ADGRV1: variants seen among roughly 807,000 people sequenced by gnomAD.
ADGRV1 encodes adhesion G protein-coupled receptor V1.
Under a neutral mutation model 596.2 loss-of-function variants are expected in ADGRV1, and 359 were observed. That is an observed-to-expected ratio of 0.60 (90% confidence interval 0.55 to 0.66). The LOEUF (loss-of-function observed/expected upper bound fraction) is 0.66, where lower values mean the gene tolerates loss of function less well. ADGRV1 is among the 30% of genes least tolerant of loss of function. The probability of loss-of-function intolerance (pLI) is 0.00; values close to 1 mark genes in which losing one functional copy is unlikely to be tolerated. For missense variants in ADGRV1, 7,274 were observed against 7,575.6 expected (o/e 0.96, Z 1.48); for synonymous variants, 2,681 against 2,679.2 (o/e 1.00, Z -0.02).
At chr5:90,594,832 A>G (rs1760046549) in intron 1 of ADGRV1, among the ~76,000 whole-genome samples, 1 of 150,962 alleles carries the variant, frequency 6.6e-6, no homozygotes, top group African/African-American at 2.5e-5. Context: ...ATCCCAAGGC[A>G]GAAGAATTTT....
chr5:90,766,448 C>A (rs1250576190), intron 59 of ADGRV1, among the ~76,000 whole-genome samples: 1 of 151,952 alleles, frequency 6.6e-6, no homozygotes, highest in African/African-American at 2.4e-5. Flanking sequence ...TATACTGACT[C>A]AAAATACTGA....
chr5:91,057,033 A>G (rs1427953134), intron 85 of ADGRV1, among the ~76,000 whole-genome samples: 1 of 152,250 alleles, frequency 6.6e-6, no homozygotes, highest in African/African-American at 2.4e-5. Flanking sequence ...TCCATTATCA[A>G]ATGGCAAATT....
intron 84 of ADGRV1, among the ~76,000 whole-genome samples, chr5:90,967,627 A>C (rs1778593210): frequency 6.6e-6 from 1 of 152,170 alleles, no homozygotes. Context: ...TACTTGGATG[A>C]AAACACAGGA....
In ADGRV1 at chr5:90,805,266, A is replaced by C; in HGVS notation, c.14662-18A>C. On this transcript the variant is annotated intron_variant, in intron 71 of 89. Coordinates refer to ENST00000405460, the MANE Select transcript of ADGRV1 (RefSeq NM_032119.4). ...GTTTAGAGAGAAATAAAATACTCTA[A>C]GCATGATTTTCCCTCAGGTCGGATT... 2 of 1,603,590 alleles carry C rather than the reference A, an allele frequency of 1.2e-6. No homozygotes were observed. The highest frequency in any genetic ancestry group is 1.7e-6 in the Non-Finnish European group (2 of 1,171,512).
At chr5:90,972,253 G>C (rs1172421420) in intron 84 of ADGRV1, among the ~76,000 whole-genome samples, 1 of 152,038 alleles carries the variant, frequency 6.6e-6, no homozygotes, top group Non-Finnish European at 1.5e-5. Context: ...AATAATAATG[G>C]GAGACTTTAA....
At position 90,777,913 on chromosome 5, in the gene ADGRV1, G is replaced by T. The variant is rs201743191; in HGVS notation, c.12536G>T (p.Arg4179Leu). 4 of 1,610,054 alleles carry T rather than the reference G, an allele frequency of 2.5e-6. No homozygotes were observed. The highest frequency in any genetic ancestry group is 3.4e-6 in the Non-Finnish European group (4 of 1,177,260). The stretch of plus-strand genomic sequence containing the variant: ...TTTGTTTATTGTTGTAGCCTTGTTC[G>T]AGGCCCAGGGATTTTGGGGGAGGTC... The part of the protein sequence containing the change: ...YNGTAIISLV[R>L]GPGILGEVTV... Residue 4179 changes from arginine to leucine, a missense_variant, in exon 62 of 90, where the codon CGA becomes CTA. By Grantham distance (102) the Arg-to-Leu change is moderately radical (BLOSUM62 -2). Coordinates refer to ENST00000405460, the MANE Select transcript of ADGRV1 (RefSeq NM_032119.4).
intron 84 of ADGRV1, among the ~76,000 whole-genome samples, chr5:90,969,072 A>G (rs1432708516): frequency 9.2e-6 from 1 of 109,152 alleles, no homozygotes; most frequent in African/African-American, 5.0e-5. Flanking sequence ...GTTAGATTAT[A>G]TTTTAGAGTA....
chr5:90,904,786 G>A (rs1187726234), intron 83 of ADGRV1, among the ~76,000 whole-genome samples: 1 of 151,708 alleles, frequency 6.6e-6, no homozygotes, highest in South Asian at 2.1e-4. Flanking sequence ...ATGCTTGTAG[G>A]GTATTACTCT....
At chr5:90,930,390 T>C (rs1253994733) in intron 83 of ADGRV1, among the ~76,000 whole-genome samples, 1 of 152,206 alleles carries the variant, frequency 6.6e-6, no homozygotes, top group Non-Finnish European at 1.5e-5. Context: ...GTATTTTTAT[T>C]ATAGACTTAA....
chr5:90,823,406 G>A lies in ADGRV1; in HGVS notation c.16197-19G>A. 1 of 1,611,972 alleles carries A rather than the reference G, an allele frequency of 6.2e-7. No homozygotes were observed. The highest frequency in any genetic ancestry group is 1.7e-4 in the Middle Eastern group (1 of 6,054). On this transcript the variant is annotated intron_variant, in intron 75 of 89. Coordinates refer to ENST00000405460, the MANE Select transcript of ADGRV1 (RefSeq NM_032119.4). ...GATGACACCCTCTGTTAAGGCATTGGTGGGTTTCTTGCTCACAGGGCCTTT... is the reference window on the plus strand; with the variant it reads ...GATGACACCCTCTGTTAAGGCATTGATGGGTTTCTTGCTCACAGGGCCTTT...
chr5:91,107,354 T>C (rs114085906), intron 87 of ADGRV1, among the ~76,000 whole-genome samples: 1 of 152,176 alleles, frequency 6.6e-6, no homozygotes, highest in Non-Finnish European at 1.5e-5. Context: ...GGCAAGATCA[T>C]GGACGAGGCA....
At chr5:90,891,583 C>T (rs1412833462) in intron 83 of ADGRV1, among the ~76,000 whole-genome samples, 2 of 151,824 alleles carry the variant, frequency 1.3e-5, no homozygotes, top group Non-Finnish European at 2.9e-5. Flanking sequence ...ATCATCTCAT[C>T]AATTATGGTG....
intron 1 of ADGRV1, among the ~76,000 whole-genome samples, chr5:90,590,237 G>A (rs986567135): frequency 6.6e-6 from 1 of 152,172 alleles, no homozygotes; most frequent in African/African-American, 2.4e-5. Context: ...ATTAATTTAC[G>A]ATGATTTCTC....
At chr5:91,005,364 G>GTATA (rs200387484) in intron 85 of ADGRV1, among the ~76,000 whole-genome samples, 194 of 146,240 alleles carry the variant, frequency 1.3e-3, no homozygotes, top group African/African-American at 4.5e-3. Flanking sequence ...CTATTGCTGT[G>GTATA]TATATATATA....
intron 75 of ADGRV1, among the ~76,000 whole-genome samples, chr5:90,819,769 T>A (rs1396488856): frequency 6.6e-6 from 1 of 152,158 alleles, no homozygotes; most frequent in Admixed American, 6.5e-5. Context: ...GATTGCACTG[T>A]GGTCTGAGAG....
At chr5:90,678,123 T>C (rs1744479176) in intron 25 of ADGRV1, among the ~76,000 whole-genome samples, 1 of 152,118 alleles carries the variant, frequency 6.6e-6, no homozygotes, top group African/African-American at 2.4e-5. Flanking sequence ...ATCTGTATGA[T>C]GATTTCAGGT....
rs1247896355 is a variant in ADGRV1, at chr5:90,854,207, T to C, written c.17594+6T>C. On this transcript the variant is annotated splice_donor_region_variant and intron_variant, in intron 81 of 89. Coordinates refer to ENST00000405460, the MANE Select transcript of ADGRV1 (RefSeq NM_032119.4). ...TGGAATCAGGCTGCTGCAAGGTACT[T>C]ATTAATAAAATAAAAAAATCAGAAT... 6.6e-7 allele frequency: 1 copy of C among 1,521,584 alleles called. No individual in the cohort carries two copies. Among genetic ancestry groups the C allele is most frequent in the Non-Finnish European group, 8.8e-7 (1 of 1,135,550 alleles). The allele number at this position is 1,521,584 out of a possible 1,614,324, so 94.3% of individuals were successfully genotyped here.
At position 91,043,014 on chromosome 5, in the gene ADGRV1, A is replaced by G. The variant is rs182842809; in HGVS notation, c.18153-29433A>G. ...CAAGCATTTTTATTAATGTTTGCTC[A>G]GCAACAGTCTGAGCTTTGTATGGTT... On this transcript the variant is annotated intron_variant, in intron 85 of 89. Transcript: ENST00000405460. Among the ~76,000 whole-genome samples, 213 of 152,270 alleles carry G rather than the reference A, an allele frequency of 1.4e-3. 1 individual carries two copies. The highest frequency in any genetic ancestry group is 4.9e-3 in the African/African-American group (204 of 41,560).
chr5:90,959,456 A>G (rs1468996706), intron 83 of ADGRV1, among the ~76,000 whole-genome samples: 1 of 152,176 alleles, frequency 6.6e-6, no homozygotes, highest in African/African-American at 2.4e-5. Context: ...GTAGAAATTG[A>G]CTACCTCATC....
Sources: allele counts gnomAD v4.1 joint callset (sites outside exome capture counted in the v4.1 genomes callset), GRCh38; gene constraint gnomAD v4.1.1; transcripts MANE v1.5; gene names NCBI Gene and HGNC (gene_info 2026-07-23, HGNC 2026-07-21).